The following LARS2 variants were observed in gnomAD, a reference collection of about 807,000 sequenced individuals.
The protein encoded by LARS2 is leucyl-tRNA synthetase 2, mitochondrial.
Under a neutral mutation model 116.6 loss-of-function variants are expected in LARS2, and 81 were observed. The ratio of observed to expected loss-of-function variants is 0.69; its 90% CI spans 0.58 to 0.84. LARS2 has a LOEUF of 0.84. Among genes scored for constraint, LARS2 ranks in the 40% least tolerant of loss-of-function variants. The pLI, the probability that LARS2 is intolerant of heterozygous loss-of-function variation, is 0.00. For missense variants in LARS2, 968 were observed against 1,114.5 expected, an observed-to-expected ratio of 0.87 and a Z score of 1.87; for synonymous variants, 396 against 407.2, an observed-to-expected ratio of 0.97 and a Z score of 0.33.
At chr3:45,543,166 G>C (rs1700822613) in intron 21 of LARS2, among the ~76,000 whole-genome samples, 1 of 152,252 alleles carries the variant, frequency 6.6e-6, no homozygotes, top group South Asian at 2.1e-4. Context: ...AAGAGGATGT[G>C]AGGGTGCCCT....
intron 9 of LARS2, among the ~76,000 whole-genome samples, chr3:45,476,144 T>G (rs1699605212): frequency 1.3e-5 from 2 of 151,724 alleles, no homozygotes. Context: ...ACTATAACAC[T>G]AATAGTTATT....
Position 45,394,707 on chromosome 3 carries a change from C to T in LARS2, c.234+20C>T, listed in dbSNP as rs770781729. 38 of 1,557,290 alleles carry T rather than the reference C, an allele frequency of 2.4e-5. No individual in the cohort carries two copies. In the African/African-American group the frequency reaches 4.6e-4, roughly 19 times the overall value. On this transcript the variant is annotated intron_variant, in intron 3 of 21. Coordinates refer to ENST00000645846, the MANE Select transcript of LARS2 (RefSeq NM_015340.4). Reference sequence around the variant, plus strand: ...GCTGATGTGAGTATTCTGAGAGATTCTAAGAGGGTAGAGAAGAGGGGTTGA... The same window carrying T: ...GCTGATGTGAGTATTCTGAGAGATTTTAAGAGGGTAGAGAAGAGGGGTTGA...
chr3:45,481,463 C>T (rs546760747), intron 10 of LARS2, among the ~76,000 whole-genome samples: 113 of 152,262 alleles, frequency 7.4e-4, no homozygotes, highest in African/African-American at 2.4e-3. Context: ...ACATTCCCAC[C>T]AGCAGTGTAT....
chr3:45,532,305 G>A (rs956379983), intron 20 of LARS2, among the ~76,000 whole-genome samples: 3 of 152,154 alleles, frequency 2.0e-5, no homozygotes, highest in Non-Finnish European at 4.4e-5. Flanking sequence ...AGGAATGGGA[G>A]TTATATTTTA....
intron 4 of LARS2, among the ~76,000 whole-genome samples, chr3:45,409,208 T>TTTTATC (rs950695160): frequency 2.0e-5 from 3 of 151,694 alleles, no homozygotes; most frequent in African/African-American, 7.3e-5. Flanking sequence ...TTATTTTTAT[T>TTTTATC]TTTTTTTAGG....
At chr3:45,439,308 G>A (rs963156563) in intron 6 of LARS2, among the ~76,000 whole-genome samples, 6 of 125,954 alleles carry the variant, frequency 4.8e-5, no homozygotes, top group East Asian at 2.8e-4. Context: ...CGCAACCTCC[G>A]CCTCCTGGAT....
At chr3:45,423,354 C>T (rs902137707) in intron 6 of LARS2, among the ~76,000 whole-genome samples, 1 of 152,022 alleles carries the variant, frequency 6.6e-6, no homozygotes, top group African/African-American at 2.4e-5. Context: ...ACTCTGTCAC[C>T]CAGGCTGGAG....
At chr3:45,466,511 T>TAAATGAATAAGGTGTTGCGTTATTTTGAG (rs1699428060) in intron 8 of LARS2, among the ~76,000 whole-genome samples, 1 of 152,130 alleles carries the variant, frequency 6.6e-6, no homozygotes, top group African/African-American at 2.4e-5. Flanking sequence ...CAAATTAAAA[T>TAAATGAATAAGGTGTTGCGTTATTTTGAG]AAATGAATAA....
At chr3:45,414,830 A>T (rs944841099) in intron 4 of LARS2, among the ~76,000 whole-genome samples, 1 of 152,146 alleles carries the variant, frequency 6.6e-6, no homozygotes, top group African/African-American at 2.4e-5. Context: ...TGTTTTCTAT[A>T]ACAGAAATAT....
In LARS2 at chr3:45,474,156, T is replaced by C. The variant is rs11919039; in HGVS notation, c.751-87T>C. ...TGGATCTTCTTTAGTGTCCCTGCTTTTCCTACCTTAACAAGCTGCAAATCA... is the reference window on the plus strand; with the variant it reads ...TGGATCTTCTTTAGTGTCCCTGCTTCTCCTACCTTAACAAGCTGCAAATCA... On this transcript the variant is annotated intron_variant, in intron 8 of 21. Coordinates refer to ENST00000645846, the MANE Select transcript of LARS2 (RefSeq NM_015340.4). The C allele has an allele frequency of 0.6, 462,656 of 767,326 alleles. 148,009 individuals are homozygous for C. The highest frequency in any genetic ancestry group is 0.77 in the East Asian group (29,501 of 38,196). The allele number at this position is 767,326 out of a possible 1,614,324, so 47.5% of individuals were successfully genotyped here.
At chr3:45,468,327 A>C (rs943993642) in intron 8 of LARS2, among the ~76,000 whole-genome samples, 1 of 152,182 alleles carries the variant, frequency 6.6e-6, no homozygotes, top group Non-Finnish European at 1.5e-5. Flanking sequence ...TGATTAGACC[A>C]ATAAAAGCTT....
At position 45,394,643 on chromosome 3, in the gene LARS2, C is replaced by T; in HGVS notation, c.190C>T (p.His64Tyr). The T allele has an allele frequency of 6.2e-7, 1 of 1,614,084 alleles. No homozygotes were observed. ...QTRKDVEKWW[H>Y]QRIKEQASKI... The stretch of plus-strand genomic sequence containing the variant: ...AAGAAAGGATGTTGAGAAATGGTGG[C>T]ATCAACGAATAAAAGAACAGGCCTC... The change falls in exon 3 of 22, where the codon CAT (histidine) becomes TAT (tyrosine). Residue 64 changes from histidine to tyrosine, a missense_variant. By Grantham distance (83) the His-to-Tyr change is moderately conservative. Transcript: ENST00000645846.
chr3:45,523,485 G>A (rs2125758575), intron 19 of LARS2, among the ~76,000 whole-genome samples: 1 of 151,990 alleles, frequency 6.6e-6, no homozygotes. Context: ...GAGTGGTGAG[G>A]ACTAAATAAG....
intron 10 of LARS2, among the ~76,000 whole-genome samples, chr3:45,484,771 ATTG>A (rs1559483757): frequency 6.7e-6 from 1 of 150,296 alleles, no homozygotes; most frequent in Non-Finnish European, 1.5e-5. Context: ...CCACATAAAT[ATTG>A]TTCAACTGAG....
chr3:45,472,987 C>T (rs939472373), intron 8 of LARS2, among the ~76,000 whole-genome samples: 19 of 152,362 alleles, frequency 1.2e-4, no homozygotes, highest in African/African-American at 4.3e-4. Flanking sequence ...CTAATTCTCT[C>T]CCTTGAGTAC....
At chr3:45,445,482 G>A (rs1208200392) in intron 6 of LARS2, among the ~76,000 whole-genome samples, 1 of 152,266 alleles carries the variant, frequency 6.6e-6, no homozygotes, top group African/African-American at 2.4e-5. Flanking sequence ...CTTTGTGCAC[G>A]ACACCCCTGT....
intron 20 of LARS2, among the ~76,000 whole-genome samples, chr3:45,530,881 A>G (rs1700604625): frequency 6.6e-6 from 1 of 151,976 alleles, no homozygotes; most frequent in African/African-American, 2.4e-5. Flanking sequence ...TCTCAGCAAA[A>G]CTCTGCATAA....
chr3:45,391,322 A>G (rs111912927), intron 1 of LARS2, among the ~76,000 whole-genome samples: 4,920 of 151,980 alleles, frequency 0.032, 286 homozygotes, highest in African/African-American at 0.11. Flanking sequence ...CGTCTCTACT[A>G]AAAATACAAA....
In LARS2 at chr3:45,393,823, C is replaced by G. The variant is rs913173049; in HGVS notation, c.-21-610C>G. On this transcript the variant is annotated intron_variant, in intron 2 of 21. Transcript: ENST00000645846. Reference sequence around the variant, plus strand: ...TGAGTGAAAGAGCAGGACCCTGTCTCTAAAAAGTAAGTAAATAAATAAATA... The same window carrying G: ...TGAGTGAAAGAGCAGGACCCTGTCTGTAAAAAGTAAGTAAATAAATAAATA... Among the ~76,000 whole-genome samples the G allele has an allele frequency of 8.6e-5, 13 of 151,862 alleles. No individual in the cohort carries two copies. The East Asian group carries it at 2.1e-3, about 25-fold the overall frequency.
Sources: allele counts gnomAD v4.1 joint callset (sites outside exome capture counted in the v4.1 genomes callset), GRCh38; gene constraint gnomAD v4.1.1; transcripts MANE v1.5; gene names NCBI Gene and HGNC (gene_info 2026-07-23, HGNC 2026-07-21).